TEP1: variants seen among roughly 807,000 people sequenced by gnomAD.
TEP1 encodes telomerase protein component 1.
A neutral mutation model predicts 306.3 loss-of-function variants in TEP1; 241 were observed. The ratio of observed to expected loss-of-function variants is 0.79; its 90% CI spans 0.71 to 0.88. The LOEUF is 0.88. Among genes scored for constraint, TEP1 ranks in the 40% least tolerant of loss-of-function variants. TEP1 has a pLI of 0.00. For missense variants in TEP1, 3,051 were observed against 3,276.1 expected (o/e 0.93, Z 1.68); for synonymous variants, 1,289 against 1,305.5 (o/e 0.99, Z 0.27).
chr14:20,400,398 C>T (rs1273499827), intron 9 of TEP1, among the ~76,000 whole-genome samples: 5 of 144,726 alleles, frequency 3.5e-5, no homozygotes, highest in Non-Finnish European at 7.5e-5. Flanking sequence ...CCAGCCTGGG[C>T]AACATTACAA....
Position 20,390,741 on chromosome 14 carries a change from A to G in TEP1, c.2274T>C (p.Asp758=). 1 of 1,614,224 alleles carries G rather than the reference A, an allele frequency of 6.2e-7. No individual in the cohort carries two copies. Among genetic ancestry groups the G allele is most frequent in the Non-Finnish European group, 8.5e-7 (1 of 1,180,032 alleles). Residue 758 remains aspartate (D), a synonymous_variant, in exon 15 of 55, where the codon GAT becomes GAC. Transcript: ENST00000262715. The part of the protein sequence containing the change: ...QAQVQEFDEN[D]GWSLNTFGKY... ...TCCCAAAAGTATTCAGGGACCATCCATCATTTTCATCAAACTCCTGAAGGA... is the reference window on the plus strand; with the variant it reads ...TCCCAAAAGTATTCAGGGACCATCCGTCATTTTCATCAAACTCCTGAAGGA...
At chr14:20,389,460 C>A in intron 16 of TEP1, 150 bp downstream of exon 16, 1 of 1,433,124 alleles carries the variant, frequency 7.0e-7, no homozygotes, top group Non-Finnish European at 9.6e-7. Context: ...CAGAGTTAGG[C>A]TAAAGTATCC....
rs528685127 is a variant in TEP1, at chr14:20,391,565, C to T, written c.2097+34G>A. 2.5e-6 allele frequency: 4 copies of T among 1,595,968 alleles called. No individual in the cohort carries two copies. The African/African-American group carries it at 5.4e-5, about 21-fold the overall frequency. On this transcript the variant is annotated intron_variant, in intron 13 of 54. Coordinates refer to ENST00000262715, the MANE Select transcript of TEP1 (RefSeq NM_007110.5). Reference sequence around the variant, plus strand: ...TCAGGATCCCCAGCATTCTACCAACCCAACCCCTTGGAGGATGCTTTTTGT... The same window carrying T: ...TCAGGATCCCCAGCATTCTACCAACTCAACCCCTTGGAGGATGCTTTTTGT...
chr14:20,382,619 T>G lies in TEP1; in HGVS notation c.4140+4A>C. The G allele has an allele frequency of 6.2e-7, 1 of 1,614,026 alleles. No homozygotes were observed. The highest frequency in any genetic ancestry group is 8.5e-7 in the Non-Finnish European group (1 of 1,179,904). ...TTAGGACTTGGAAGGTGATGAGAAC[T>G]GACCTGCTCATACAGCGTGAAGAGC... is the stretch of plus-strand genomic sequence containing the variant. On this transcript the variant is annotated splice_donor_region_variant and intron_variant, in intron 28 of 54. Coordinates refer to ENST00000262715, the MANE Select transcript of TEP1 (RefSeq NM_007110.5).
chr14:20,400,137 CAAAAAAAAAAAAAAA>C (rs58121179), intron 9 of TEP1, among the ~76,000 whole-genome samples: 1 of 80,468 alleles, frequency 1.2e-5, no homozygotes, highest in African/African-American at 4.0e-5. Flanking sequence ...AACTCCGTCT[CAAAAAAAAAAAAAAA>C]AAAAAAAAAA....
At chr14:20,400,842 T>C (rs1001604130) in intron 9 of TEP1, 142 bp downstream of exon 9, 11 of 1,047,404 alleles carry the variant, frequency 1.1e-5, no homozygotes, top group Admixed American at 8.3e-5. Flanking sequence ...GTGTAGTCAA[T>C]GGCAGACCTT....
intron 9 of TEP1, chr14:20,400,520 A>C: frequency 6.7e-6 from 1 of 148,906 alleles, no homozygotes; most frequent in South Asian, 2.1e-4. Flanking sequence ...AAAAAAAAAA[A>C]AACAGAGAAA....
At chr14:20,405,343 G>C in intron 4 of TEP1, 108 bp downstream of exon 4, 1 of 1,460,136 alleles carries the variant, frequency 6.8e-7, no homozygotes, top group Non-Finnish European at 9.3e-7. Flanking sequence ...CCTAAGAGAA[G>C]CTCCTCCCAC....
At chr14:20,375,601 A>T (rs1166938962) in intron 43 of TEP1, among the ~76,000 whole-genome samples, 154 bp downstream of exon 43, 1 of 152,192 alleles carries the variant, frequency 6.6e-6, no homozygotes, top group African/African-American at 2.4e-5. Flanking sequence ...GCAATATATG[A>T]AAAGAGCTTA....
chr14:20,402,718 G>C (rs1008014253), intron 7 of TEP1, among the ~76,000 whole-genome samples: 24 of 152,160 alleles, frequency 1.6e-4, no homozygotes, highest in African/African-American at 5.8e-4. Context: ...CAGATTCTAT[G>C]CTCTTAAATG....
In TEP1 at chr14:20,371,305, A is replaced by G; in HGVS notation, c.7230T>C (p.Tyr2410=). 6.2e-7 allele frequency: 1 copy of G among 1,614,132 alleles called. No individual in the cohort carries two copies. Among genetic ancestry groups the G allele is most frequent in the Non-Finnish European group, 8.5e-7 (1 of 1,179,960 alleles). The change falls in exon 51 of 55, where the codon TAT becomes TAC. Residue 2410 remains tyrosine, a synonymous_variant. Transcript: ENST00000262715. ...TGGACAATATCATAGGATTTTCTGT[A>G]TAGCTGCTCCTGGTTTGTGAGAAAG... The part of the protein sequence containing the change: ...GDAPSEIWSS[Y]TENPMILSTH...
chr14:20,378,630 C>A, intron 37 of TEP1, 95 bp from the exon 38 acceptor site: 1 of 1,590,770 alleles, frequency 6.3e-7, no homozygotes, highest in Non-Finnish European at 8.6e-7. Context: ...AGTTACCCTG[C>A]CCTCAGCAGG....
chr14:20,371,726 T>C (rs1460312717), intron 49 of TEP1, 94 bp from the exon 50 acceptor site: 1 of 1,409,190 alleles, frequency 7.1e-7, no homozygotes, highest in East Asian at 2.5e-5. Flanking sequence ...AGGAATGAAG[T>C]ACAAAGCAAA....
chr14:20,382,503 G>T, intron 28 of TEP1, 120 bp downstream of exon 28: 1 of 1,524,720 alleles, frequency 6.6e-7, no homozygotes, highest in Non-Finnish European at 9.0e-7. Flanking sequence ...CGAGGTATGA[G>T]GCGAGGATAG....
In TEP1 at chr14:20,378,139, C is replaced by T; in HGVS notation, c.5606G>A (p.Trp1869Ter). 1 of 1,613,912 alleles carries T rather than the reference C, an allele frequency of 6.2e-7. No individual in the cohort carries two copies. Among genetic ancestry groups the T allele is most frequent in the Non-Finnish European group, 8.5e-7 (1 of 1,180,024 alleles). ...VGRLDSMVEL[W>*]AWREGARLAA... Reference sequence around the variant, plus strand: ...CAGCCGTGCCCCTTCTCGCCAGGCCCACAGCTCCACCATACTGTCCAGCCG... The same window carrying T: ...CAGCCGTGCCCCTTCTCGCCAGGCCTACAGCTCCACCATACTGTCCAGCCG... Residue 1869 changes from tryptophan (W) to a stop codon, truncating the protein, a stop_gained, in exon 39 of 55, where the codon TGG (tryptophan) becomes TAG (stop). Coordinates refer to ENST00000262715, the MANE Select transcript of TEP1 (RefSeq NM_007110.5). LOFTEE classifies it high-confidence loss of function.
intron 42 of TEP1, 99 bp from the exon 43 acceptor site, chr14:20,375,967 A>G: frequency 6.8e-7 from 1 of 1,473,588 alleles, no homozygotes; most frequent in Non-Finnish European, 9.4e-7. Context: ...GAGGGGCACA[A>G]GGAAGCACAG....
In TEP1 at chr14:20,366,864, A is replaced by G. The variant is rs998170939; in HGVS notation, c.*1573T>C. The G allele has an allele frequency of 2.6e-5, 4 of 152,118 alleles. No individual in the cohort carries two copies. The highest frequency in any genetic ancestry group is 4.8e-5 in the African/African-American group (2 of 41,434). The allele number at this position is 152,118 out of a possible 1,614,324, so 9.4% of individuals were successfully genotyped here. A position where few individuals can be genotyped will look rare whatever the true frequency, so the allele number is the denominator to read the frequency against. On this transcript the variant is annotated 3_prime_UTR_variant, in exon 55 of 55. Transcript: ENST00000262715. The stretch of plus-strand genomic sequence containing the variant: ...CAGAAAGAAAGGGCCTGAGGAAACT[A>G]AAGTCAGTGGTTTCAATCTTTTGCC...
chr14:20,380,909 C>G (rs115694001), intron 33 of TEP1, 22 bp downstream of exon 33: 15 of 1,600,688 alleles, frequency 9.4e-6, no homozygotes, highest in Non-Finnish European at 1.3e-5. Flanking sequence ...CAGAGAAGAA[C>G]CCAGCCAGTG....
At chr14:20,410,491 T>C (rs888026605) in intron 1 of TEP1, among the ~76,000 whole-genome samples, 11 of 152,130 alleles carry the variant, frequency 7.2e-5, no homozygotes, top group Admixed American at 3.3e-4. Context: ...GGCACGATCT[T>C]GGCTCACTGC....
Sources: allele counts gnomAD v4.1 joint callset (sites outside exome capture counted in the v4.1 genomes callset), GRCh38; gene constraint gnomAD v4.1.1; transcripts MANE v1.5; gene names NCBI Gene and HGNC (gene_info 2026-07-23, HGNC 2026-07-21).